TENM4: variants seen among roughly 807,000 people sequenced by gnomAD.
TENM4 encodes teneurin transmembrane protein 4.
A neutral mutation model predicts 243.3 loss-of-function variants in TENM4; 82 were observed. The ratio of observed to expected loss-of-function variants is 0.34; its 90% confidence interval spans 0.28 to 0.40. The LOEUF (loss-of-function observed/expected upper bound fraction) is 0.40. Among genes scored for constraint, TENM4 ranks in the 10% least tolerant of loss-of-function variants. The pLI is 1.00. For missense variants in TENM4, 3,138 were observed against 3,673.3 expected (o/e 0.85, Z 3.77); for synonymous variants, 1,412 against 1,456.3 (o/e 0.97, Z 0.69).
intron 2 of TENM4, among the ~76,000 whole-genome samples, chr11:79,240,834 C>T (rs1003899028): frequency 2.6e-5 from 4 of 152,012 alleles, no homozygotes; most frequent in African/African-American, 4.8e-5. Flanking sequence ...TTTTGGGAGT[C>T]AGTTTGACTA....
chr11:79,426,509 C>A (rs1039948658), intron 1 of TENM4, among the ~76,000 whole-genome samples: 1 of 152,176 alleles, frequency 6.6e-6, no homozygotes, highest in African/African-American at 2.4e-5. Flanking sequence ...TCACACAATT[C>A]AACAAAGAGG....
intron 3 of TENM4, among the ~76,000 whole-genome samples, chr11:79,156,453 T>C (rs1862618292): frequency 6.6e-6 from 1 of 152,214 alleles, no homozygotes; most frequent in African/African-American, 2.4e-5. Flanking sequence ...AAATTACTTG[T>C]AGATCCTGAA....
At chr11:79,169,611 G>T (rs1173532823) in intron 3 of TENM4, among the ~76,000 whole-genome samples, 1 of 152,142 alleles carries the variant, frequency 6.6e-6, no homozygotes, top group Non-Finnish European at 1.5e-5. Flanking sequence ...ACAAGATCCA[G>T]TGTCAGACTG....
Position 78,972,873 on chromosome 11 carries a change from A to G in TENM4, c.494-69350T>C, listed in dbSNP as rs549995374. On this transcript the variant is annotated intron_variant, in intron 6 of 33. Transcript: ENST00000278550. The stretch of plus-strand genomic sequence containing the variant: ...CTGCAGCCTAGGCAATCACTCATCT[A>G]CTTTCTGTCTCTATGGATTTGCCTA... 2.6e-5 allele frequency among the ~76,000 whole-genome samples: 4 copies of G among 152,264 alleles called. No individual in the cohort carries two copies. In the South Asian group the frequency reaches 8.3e-4, roughly 32 times the overall value.
chr11:78,938,695 G>A (rs2852258), intron 6 of TENM4, among the ~76,000 whole-genome samples: 1 of 152,150 alleles, frequency 6.6e-6, no homozygotes, highest in African/African-American at 2.4e-5. Flanking sequence ...GTTGCAAGCA[G>A]AACCCTTGTG....
At chr11:78,708,967 TTC>T (rs1457152294) in intron 26 of TENM4, among the ~76,000 whole-genome samples, 2 of 101,096 alleles carry the variant, frequency 2.0e-5, no homozygotes, top group East Asian at 4.8e-4. Context: ...TTCTTTTTCT[TTC>T]TTTTTTTTTT....
At chr11:79,318,568 G>A (rs1215695338) in intron 1 of TENM4, among the ~76,000 whole-genome samples, 1 of 152,164 alleles carries the variant, frequency 6.6e-6, no homozygotes, top group African/African-American at 2.4e-5. Flanking sequence ...GTCATTGAAG[G>A]TGGAGTTGGA....
At position 79,341,495 on chromosome 11, in the gene TENM4, G is replaced by A. The variant is rs764640549; in HGVS notation, c.-320-43952C>T. Among the ~76,000 whole-genome samples, 27 of 152,176 alleles carry A rather than the reference G, an allele frequency of 1.8e-4. 1 individual carries two copies. Among genetic ancestry groups the A allele is most frequent in the Admixed American group, 3.3e-4 (5 of 15,284 alleles). ...GGAGGAAAGTGAAGAGCACAGAAGT[G>A]AAGCAACTTGACCCAAGAAAGTCAT... On this transcript the variant is annotated intron_variant, in intron 1 of 33. Transcript: ENST00000278550.
intron 19 of TENM4, among the ~76,000 whole-genome samples, chr11:78,748,283 C>T (rs1007117722): frequency 6.6e-6 from 1 of 152,190 alleles, no homozygotes. Flanking sequence ...ACAAAATCCC[C>T]ATGAGATATG....
intron 9 of TENM4, among the ~76,000 whole-genome samples, chr11:78,870,259 T>A (rs1037749679): frequency 2.0e-5 from 3 of 152,234 alleles, no homozygotes; most frequent in African/African-American, 4.8e-5. Context: ...CTGATTTCCC[T>A]AATTCCTATA....
At chr11:78,863,926 T>C (rs1387206265) in intron 9 of TENM4, among the ~76,000 whole-genome samples, 1 of 152,206 alleles carries the variant, frequency 6.6e-6, no homozygotes, top group Non-Finnish European at 1.5e-5. Flanking sequence ...AGCAAAATAT[T>C]AGAAACCAGT....
At chr11:78,882,952 T>A (rs538105401) in intron 9 of TENM4, among the ~76,000 whole-genome samples, 2 of 152,318 alleles carry the variant, frequency 1.3e-5, no homozygotes, top group East Asian at 3.9e-4. Context: ...GATCCCTCAT[T>A]GCTATTACAC....
chr11:79,232,879 A>AGCTCCCTGCCCATGGC (rs1864397202), intron 2 of TENM4, among the ~76,000 whole-genome samples: 1 of 152,182 alleles, frequency 6.6e-6, no homozygotes, highest in Non-Finnish European at 1.5e-5. Flanking sequence ...AGTGGTTTAG[A>AGCTCCCTGCCCATGGC]GCTCCCTGCC....
chr11:79,191,961 C>T (rs999083799), intron 3 of TENM4, among the ~76,000 whole-genome samples: 11 of 151,430 alleles, frequency 7.3e-5, no homozygotes, highest in Admixed American at 3.9e-4. Context: ...GTCAGCCCCC[C>T]GCCCAGCCAG....
At chr11:78,885,167 C>T (rs1452149820) in intron 9 of TENM4, among the ~76,000 whole-genome samples, 6 of 152,152 alleles carry the variant, frequency 3.9e-5, no homozygotes, top group African/African-American at 9.7e-5. Context: ...CTAGCATTGC[C>T]CCTTTCGACA....
At chr11:79,324,800 C>A (rs1217450377) in intron 1 of TENM4, among the ~76,000 whole-genome samples, 2 of 152,124 alleles carry the variant, frequency 1.3e-5, no homozygotes, top group African/African-American at 4.8e-5. Context: ...CCCCCGGAGG[C>A]CATCTCCATC....
At chr11:78,786,483 G>A (rs1316040722) in intron 16 of TENM4, among the ~76,000 whole-genome samples, 1 of 152,216 alleles carries the variant, frequency 6.6e-6, no homozygotes, top group Non-Finnish European at 1.5e-5. Context: ...CTTTGCTAAG[G>A]TCTTCACATG....
In TENM4 at chr11:79,013,952, C is replaced by T. The variant is rs148429055; in HGVS notation, c.493+50786G>A. 4.0e-3 allele frequency among the ~76,000 whole-genome samples: 608 copies of T among 152,240 alleles called. 2 individuals are homozygous for T. Among genetic ancestry groups the T allele is most frequent in the African/African-American group, 0.014 (562 of 41,540 alleles). On this transcript the variant is annotated intron_variant, in intron 6 of 33. Transcript: ENST00000278550. ...CTGCTCACTCCCCATCTTATATTCC[C>T]GATTTGCCCCTCTTCTTACTTAATT...
chr11:78,768,310 C>T (rs1856579677), intron 18 of TENM4, among the ~76,000 whole-genome samples: 1 of 152,318 alleles, frequency 6.6e-6, no homozygotes, highest in Admixed American at 6.5e-5. Flanking sequence ...TTTGGCCTTC[C>T]CAGCTGGTTC....
Sources: gnomAD v4.1 joint callset for allele counts (sites outside exome capture counted in the v4.1 genomes callset) on GRCh38, gnomAD v4.1.1 for gene constraint, MANE v1.5 for transcripts, NCBI Gene and HGNC (gene_info 2026-07-23, HGNC 2026-07-21) for gene names.